The following GLT8D2 variants were observed in gnomAD, a reference collection of about 807,000 sequenced individuals.
GLT8D2 encodes the protein glycosyltransferase 8 domain-containing protein 2.
A neutral mutation model predicts 44.5 loss-of-function variants in GLT8D2; 45 were observed. The observed-to-expected ratio is 1.01, with a 90% CI of 0.80 to 1.30. The LOEUF (loss-of-function observed/expected upper bound fraction) is 1.30. Among genes scored for constraint, GLT8D2 ranks in the 50% most tolerant of loss-of-function variants. The pLI, the probability that GLT8D2 is intolerant of heterozygous loss-of-function variation, is 0.00. For synonymous variants in GLT8D2, 156 were observed against 157.2 expected, an observed-to-expected ratio of 0.99 and a Z score of 0.06; for missense variants, 400 against 430.4, an observed-to-expected ratio of 0.93 and a Z score of 0.62.
chr12:104,032,708 T>C (rs1029390029), intron 1 of GLT8D2, among the ~76,000 whole-genome samples: 4 of 152,098 alleles, frequency 2.6e-5, no homozygotes, highest in Non-Finnish European at 4.4e-5. Context: ...TGTACATTGC[T>C]AGTGGGAATG....
chr12:104,060,649 G>A (rs977933032), intron 1 of GLT8D2, among the ~76,000 whole-genome samples: 5 of 152,132 alleles, frequency 3.3e-5, no homozygotes, highest in African/African-American at 1.2e-4. Context: ...GAGGCTGGGC[G>A]CAGTGGCTCA....
intron 1 of GLT8D2, among the ~76,000 whole-genome samples, chr12:104,023,555 A>T (rs1405962135): frequency 6.6e-6 from 1 of 152,186 alleles, no homozygotes; most frequent in African/African-American, 2.4e-5. Flanking sequence ...ATTTACATAC[A>T]TTAGAATTTC....
intron 4 of GLT8D2, 129 bp from the exon 5 acceptor site, chr12:104,003,435 C>G (rs767329244): frequency 6.2e-5 from 48 of 779,940 alleles, no homozygotes; most frequent in Non-Finnish European, 9.4e-5. Context: ...TCTCCAATAT[C>G]TAGTCATTCT....
chr12:103,993,156 C>A (rs1210505888), intron 10 of GLT8D2, among the ~76,000 whole-genome samples: 1 of 152,104 alleles, frequency 6.6e-6, no homozygotes, highest in Non-Finnish European at 1.5e-5. Context: ...CATGGTGAAA[C>A]CCCATCTGTA....
At chr12:104,015,240 C>G in intron 3 of GLT8D2, 135 bp from the exon 4 acceptor site, 1 of 642,028 alleles carries the variant, frequency 1.6e-6, no homozygotes. Flanking sequence ...TATAAGCAGA[C>G]AGCATATAGA....
chr12:104,002,480 A>G (rs545719111), intron 5 of GLT8D2, among the ~76,000 whole-genome samples: 1 of 152,288 alleles, frequency 6.6e-6, no homozygotes, highest in South Asian at 2.1e-4. Flanking sequence ...AAGTTTTTAA[A>G]TGTGATGCAG....
At chr12:104,049,007 T>C (rs1469623464) in intron 1 of GLT8D2, among the ~76,000 whole-genome samples, 1 of 152,218 alleles carries the variant, frequency 6.6e-6, no homozygotes, top group African/African-American at 2.4e-5. Flanking sequence ...ACCACTGCAT[T>C]GCACAGTCTA....
At chr12:104,007,941 A>G (rs1875302157) in intron 4 of GLT8D2, among the ~76,000 whole-genome samples, 1 of 152,214 alleles carries the variant, frequency 6.6e-6, no homozygotes, top group Non-Finnish European at 1.5e-5. Flanking sequence ...CCATGTAAGA[A>G]GTGCCTTTCG....
chr12:104,026,498 T>A (rs1351712121), intron 1 of GLT8D2, among the ~76,000 whole-genome samples: 1 of 152,176 alleles, frequency 6.6e-6, no homozygotes, highest in African/African-American at 2.4e-5. Context: ...TAAGACTTTG[T>A]TTCCCGGTTT....
intron 1 of GLT8D2, among the ~76,000 whole-genome samples, chr12:104,037,454 G>T (rs773661503): frequency 6.6e-6 from 1 of 151,896 alleles, no homozygotes; most frequent in Non-Finnish European, 1.5e-5. Flanking sequence ...TCAAACAGAC[G>T]CAATAAAAAA....
intron 1 of GLT8D2, among the ~76,000 whole-genome samples, chr12:104,037,410 T>C (rs977343755): frequency 6.6e-6 from 1 of 151,834 alleles, no homozygotes; most frequent in African/African-American, 2.4e-5. Flanking sequence ...AATAGACTGC[T>C]AGCAAGAATA....
At chr12:104,024,934 G>A (rs935398019) in intron 1 of GLT8D2, among the ~76,000 whole-genome samples, 1 of 151,836 alleles carries the variant, frequency 6.6e-6, no homozygotes. Flanking sequence ...ACCAGGCGTG[G>A]TGGTGCAGGT....
At chr12:104,037,610 C>G (rs1428458828) in intron 1 of GLT8D2, among the ~76,000 whole-genome samples, 1 of 152,182 alleles carries the variant, frequency 6.6e-6, no homozygotes, top group East Asian at 1.9e-4. Context: ...AGTTGAATCT[C>G]TGAATAGACC....
chr12:104,031,054 T>C lies in GLT8D2; in HGVS notation c.-163-9563A>G, dbSNP rs942405706. 12 of 984,472 alleles carry C rather than the reference T, an allele frequency of 1.2e-5. No homozygotes were observed. In the Admixed American group the frequency reaches 1.8e-4, roughly 15 times the overall value. The allele number at this position is 984,472 out of a possible 1,614,324, so 61.0% of individuals were successfully genotyped here. A position where few individuals can be genotyped will look rare whatever the true frequency, so the allele number is the denominator to read the frequency against. ...CTTGGCGCCTCAATGAGCGGCACTA[T>C]GGGGGTCTAACCGGTCTCAATAAAG... is the stretch of plus-strand genomic sequence containing the variant. On this transcript the variant is annotated intron_variant, in intron 1 of 10. Coordinates refer to ENST00000360814, the MANE Select transcript of GLT8D2 (RefSeq NM_001384711.1).
intron 1 of GLT8D2, among the ~76,000 whole-genome samples, chr12:104,032,466 C>CAAAAAAGAAAAAAAAAAAA (rs1879385105): frequency 1.7e-5 from 1 of 59,700 alleles, no homozygotes; most frequent in African/African-American, 6.7e-5. Flanking sequence ...TGTGCAATAG[C>CAAAAAAGAAAAAAAAAAAA]AAAAAAAAAA....
In GLT8D2 at chr12:104,021,927, GAAGAAGAAGAA is replaced by G. The variant is rs1566202358; in HGVS notation, c.-163-447_-163-437del. The stretch of plus-strand genomic sequence containing the variant: ...AGAAGAAGAAGAAGAAGAAGAAGAA[GAAGAAGAAGAA>G]GAAGAAGAAGAAGAAGAGGAAGAAG... On this transcript the variant is annotated intron_variant, in intron 1 of 10. Transcript: ENST00000360814. Among the ~76,000 whole-genome samples, 81 of 26,054 alleles carry G rather than the reference GAAGAAGAAGAA, an allele frequency of 3.1e-3. 4 individuals carry two copies. The highest frequency in any genetic ancestry group is 4.4e-3 in the Admixed American group (9 of 2,042). The allele number at this position is 26,054 out of a possible 152,430, so 17.1% of individuals were successfully genotyped here.
intron 9 of GLT8D2, chr12:103,994,006 TA>T (rs959838082): frequency 5.9e-5 from 10 of 170,862 alleles, no homozygotes; most frequent in African/African-American, 9.5e-5. Context: ...TAATCCTTAA[TA>T]AAAAAATCTA....
chr12:104,030,753 C>T (rs373254029), intron 1 of GLT8D2: 2 of 1,612,026 alleles, frequency 1.2e-6, no homozygotes, highest in African/African-American at 2.7e-5. Context: ...TAATCCCAGT[C>T]GGTGCCGCAT....
chr12:104,031,514 G>A, intron 1 of GLT8D2: 2 of 1,612,828 alleles, frequency 1.2e-6, no homozygotes, highest in South Asian at 2.2e-5. Flanking sequence ...CATGGAAGCT[G>A]TGGCTGCCCA....
Sources: allele counts gnomAD v4.1 joint callset (sites outside exome capture counted in the v4.1 genomes callset), GRCh38; gene constraint gnomAD v4.1.1; transcripts MANE v1.5; gene names NCBI Gene and HGNC (gene_info 2026-07-23, HGNC 2026-07-21).